The following FHIT variants were observed in gnomAD, a reference collection of about 807,000 sequenced individuals.
The protein encoded by FHIT is fragile histidine triad diadenosine triphosphatase, also known as bis(5'-adenosyl)-triphosphatase.
A neutral mutation model predicts 17.9 loss-of-function variants in FHIT; 19 were observed. The observed-to-expected ratio is 1.06, with a 90% CI of 0.74 to 1.56. The LOEUF is 1.56. Among genes scored for constraint, FHIT ranks in the 40% most tolerant of loss-of-function variants. The probability of loss-of-function intolerance (pLI) is 0.00; values close to 1 mark genes in which losing one functional copy is unlikely to be tolerated. For synonymous variants in FHIT, 81 were observed against 69.7 expected (o/e 1.16, Z -0.81); for missense variants, 248 against 189.2 (o/e 1.31, Z -1.82).
intron 4 of FHIT, among the ~76,000 whole-genome samples, chr3:60,774,643 A>C (rs1005841362): frequency 1.4e-4 from 21 of 152,192 alleles, no homozygotes; most frequent in Non-Finnish European, 3.1e-4. Flanking sequence ...ATGAACAACA[A>C]TAACTAATAA....
intron 2 of FHIT, among the ~76,000 whole-genome samples, chr3:61,154,607 C>T (rs911965880): frequency 6.6e-6 from 1 of 152,166 alleles, no homozygotes. Context: ...CCTGCTACTT[C>T]TGAACGGCAG....
At chr3:60,117,266 T>A (rs1705008233) in intron 5 of FHIT, among the ~76,000 whole-genome samples, 1 of 151,982 alleles carries the variant, frequency 6.6e-6, no homozygotes, top group African/African-American at 2.4e-5. Flanking sequence ...GTATTTGGAA[T>A]GAAAGAAGTT....
intron 5 of FHIT, among the ~76,000 whole-genome samples, chr3:60,417,036 C>T (rs1168583535): frequency 6.6e-6 from 1 of 151,224 alleles, no homozygotes; most frequent in Admixed American, 6.6e-5. Flanking sequence ...TTGCAGTGAG[C>T]CGAGATCGCA....
chr3:61,045,087 TAACCAGCTA>T (rs1347222294), intron 2 of FHIT, among the ~76,000 whole-genome samples: 11 of 152,138 alleles, frequency 7.2e-5, no homozygotes, highest in African/African-American at 2.4e-4. Flanking sequence ...AGAAGCCAAA[TAACCAGCTA>T]ACATCAAAAT....
At chr3:60,452,778 T>C (rs905735114) in intron 5 of FHIT, among the ~76,000 whole-genome samples, 1 of 152,178 alleles carries the variant, frequency 6.6e-6, no homozygotes, top group Non-Finnish European at 1.5e-5. Flanking sequence ...AAAATGGTCT[T>C]GAATCAATTG....
intron 5 of FHIT, among the ~76,000 whole-genome samples, chr3:60,508,878 T>C (rs2034837266): frequency 6.6e-6 from 1 of 152,124 alleles, no homozygotes; most frequent in Non-Finnish European, 1.5e-5. Flanking sequence ...AATTCCTATA[T>C]ATTTGGTTTT....
At chr3:60,814,617 C>T (rs1002751065) in intron 4 of FHIT, among the ~76,000 whole-genome samples, 3 of 152,076 alleles carry the variant, frequency 2.0e-5, no homozygotes, top group Non-Finnish European at 4.4e-5. Context: ...TTGATGGGCA[C>T]CTAGGTTGAG....
At chr3:59,925,759 G>A (rs753583514) in intron 7 of FHIT, among the ~76,000 whole-genome samples, 1 of 152,112 alleles carries the variant, frequency 6.6e-6, no homozygotes, top group Admixed American at 6.5e-5. Context: ...CCCTGATATC[G>A]TGACATAAAT....
At chr3:60,821,469 T>G (rs1701927829) in intron 4 of FHIT, among the ~76,000 whole-genome samples, 1 of 147,644 alleles carries the variant, frequency 6.8e-6, no homozygotes, top group African/African-American at 2.5e-5. Flanking sequence ...CTCCTCCTGC[T>G]GCTCCTAACT....
At chr3:60,023,028 G>C (rs1016062970) in intron 5 of FHIT, among the ~76,000 whole-genome samples, 8 of 152,170 alleles carry the variant, frequency 5.3e-5, no homozygotes, top group African/African-American at 9.7e-5. Flanking sequence ...TGTCCACAAT[G>C]TGTAAACATG....
chr3:60,827,979 A>G (rs1702187744), intron 3 of FHIT, among the ~76,000 whole-genome samples: 1 of 152,212 alleles, frequency 6.6e-6, no homozygotes, highest in African/African-American at 2.4e-5. Context: ...CTTTAGTAAA[A>G]TAGCACAGGG....
At chr3:61,046,205 G>T (rs1262685159) in intron 2 of FHIT, among the ~76,000 whole-genome samples, 2 of 152,090 alleles carry the variant, frequency 1.3e-5, no homozygotes, top group Non-Finnish European at 2.9e-5. Context: ...CCAGGAGATG[G>T]TTTTTAGAAA....
intron 4 of FHIT, among the ~76,000 whole-genome samples, chr3:60,615,210 T>C (rs2038916079): frequency 6.6e-6 from 1 of 152,230 alleles, no homozygotes; most frequent in African/African-American, 2.4e-5. Flanking sequence ...GGGGATAATC[T>C]AGCTTTCCTG....
chr3:60,981,765 T>C (rs1710506858), intron 3 of FHIT, among the ~76,000 whole-genome samples: 1 of 94,168 alleles, frequency 1.1e-5, no homozygotes, highest in South Asian at 4.2e-4. Flanking sequence ...TACACCACCA[T>C]GTCTGGCTAT....
intron 7 of FHIT, among the ~76,000 whole-genome samples, chr3:59,994,575 C>G (rs1292591621): frequency 6.6e-6 from 1 of 152,098 alleles, no homozygotes; most frequent in Non-Finnish European, 1.5e-5. Context: ...TTCCACTGCC[C>G]TCATTAGCTG....
At chr3:60,594,695 T>C (rs1553665603) in intron 4 of FHIT, among the ~76,000 whole-genome samples, 5 of 152,124 alleles carry the variant, frequency 3.3e-5, no homozygotes, top group Non-Finnish European at 7.4e-5. Context: ...CCACATGTGA[T>C]GATGGCTGCC....
intron 3 of FHIT, among the ~76,000 whole-genome samples, chr3:60,868,681 T>A (rs1553754388): frequency 6.6e-6 from 1 of 152,180 alleles, no homozygotes; most frequent in Non-Finnish European, 1.5e-5. Flanking sequence ...GATATGGCGA[T>A]ACATTTTAGC....
chr3:60,611,094 C>G (rs2038771810), intron 4 of FHIT, among the ~76,000 whole-genome samples: 1 of 152,192 alleles, frequency 6.6e-6, no homozygotes, highest in Non-Finnish European at 1.5e-5. Context: ...TGATCTCAGG[C>G]TCATTTAGCC....
intron 5 of FHIT, among the ~76,000 whole-genome samples, chr3:60,057,258 G>A (rs962808231): frequency 6.6e-6 from 1 of 152,120 alleles, no homozygotes; most frequent in African/African-American, 2.4e-5. Context: ...AAGTAGACTA[G>A]GGGAGTTAAA....
Sources: gnomAD v4.1 joint callset for allele counts (sites outside exome capture counted in the v4.1 genomes callset) on GRCh38, gnomAD v4.1.1 for gene constraint, MANE v1.5 for transcripts, NCBI Gene and HGNC (gene_info 2026-07-23, HGNC 2026-07-21) for gene names.